Variants in DMRTC1 observed in about 807,000 individuals in gnomAD.
The protein encoded by DMRTC1 is doublesex- and mab-3-related transcription factor C1.
For missense variants in DMRTC1, 9 were observed against 34.6 expected (o/e 0.26, Z 1.86); for synonymous variants, 7 against 14.1 (o/e 0.50, Z 1.13).
chrX:72,879,839 TTCC>T (rs2054839076), intron 1 of DMRTC1, among the ~76,000 whole-genome samples: 1 of 62,786 alleles, frequency 1.6e-5, no homozygotes, highest in East Asian at 7.1e-4. Flanking sequence ...CCACCCTTCC[TTCC>T]TTCCTTCCTT....
chrX:72,879,687 AT>A (rs1310357611), intron 1 of DMRTC1, among the ~76,000 whole-genome samples: 1 of 112,573 alleles, frequency 8.9e-6, no homozygotes, highest in African/African-American at 3.2e-5. Context: ...AGGTTAAAAA[AT>A]CATAAATGTA....
At chrX:72,911,569 A>G (rs1333110809) in intron 1 of DMRTC1, among the ~76,000 whole-genome samples, 2 of 112,786 alleles carry the variant, frequency 1.8e-5, no homozygotes, top group Non-Finnish European at 3.8e-5. Context: ...TATGTAAGAG[A>G]TGCTTTCCTA....
At chrX:72,887,031 T>A (rs868927553) in intron 1 of DMRTC1, among the ~76,000 whole-genome samples, 6 of 42,887 alleles carry the variant, frequency 1.4e-4, no homozygotes, top group African/African-American at 3.6e-4. Context: ...TTTTTTTTTT[T>A]AATTTTACTT....
At chrX:72,879,665 T>C (rs1370190415) in intron 1 of DMRTC1, among the ~76,000 whole-genome samples, 1 of 110,075 alleles carries the variant, frequency 9.1e-6, no homozygotes. Context: ...CAAGTTTAAC[T>C]TATAATCCAA....
At position 72,916,185 on chromosome X, in the gene DMRTC1, G is replaced by A. The variant is rs782794525; in HGVS notation, c.-95+27390C>T. Among the ~76,000 whole-genome samples the A allele has an allele frequency of 1.2e-4, 12 of 103,818 alleles. No individual in the cohort carries two copies. In the South Asian group the frequency reaches 2.2e-3, roughly 19 times the overall value. The allele number at this position is 103,818 out of a possible 115,157, so 90.2% of individuals were successfully genotyped here. ...ACACAGCCTGCTGTGTTACAGGAGC[G>A]TCACATGTTTTTGTTTTATTATTCC... On this transcript the variant is annotated intron_variant, in intron 1 of 6. Coordinates refer to ENST00000615063, the MANE Select transcript of DMRTC1 (RefSeq NM_033053.3).
chrX:72,939,783 G>T (rs1462391691), intron 1 of DMRTC1, among the ~76,000 whole-genome samples: 2 of 110,365 alleles, frequency 1.8e-5, no homozygotes, highest in Non-Finnish European at 3.8e-5. Flanking sequence ...ATGCCCAGGG[G>T]ACAGCAACAC....
chrX:72,913,229 G>A, intron 1 of DMRTC1: 1 of 905,171 alleles, frequency 1.1e-6, no homozygotes. Flanking sequence ...GGGTCCACTT[G>A]TCACTCTGCT....
chrX:72,886,746 G>A (rs2054879054), intron 1 of DMRTC1, among the ~76,000 whole-genome samples: 1 of 53,415 alleles, frequency 1.9e-5, no homozygotes, highest in Non-Finnish European at 3.2e-5. Flanking sequence ...ATGAATTTTA[G>A]GATATTTTTT....
intron 6 of DMRTC1, among the ~76,000 whole-genome samples, chrX:72,872,916 CA>C (rs1556351154): frequency 1.7e-5 from 1 of 59,210 alleles, no homozygotes; most frequent in Non-Finnish European, 2.8e-5. Context: ...GCAGTCCCTC[CA>C]GGGGTGTTTC....
At chrX:72,874,738 C>T (rs1474970197) in intron 4 of DMRTC1, 87 bp downstream of exon 4, 8 of 239,849 alleles carry the variant, frequency 3.3e-5, no homozygotes, top group African/African-American at 1.7e-4. Context: ...CTCCTCCTCC[C>T]CCTCTTCCTC....
intron 1 of DMRTC1, among the ~76,000 whole-genome samples, chrX:72,879,804 T>TCCTC (rs1246805749): frequency 2.0e-5 from 2 of 98,195 alleles, no homozygotes; most frequent in African/African-American, 3.6e-5. Flanking sequence ...CTTCCTTCCT[T>TCCTC]CCTCCCTCCC....
intron 1 of DMRTC1, among the ~76,000 whole-genome samples, chrX:72,881,916 G>T (rs1476222608): frequency 1.8e-5 from 2 of 114,123 alleles, no homozygotes; most frequent in African/African-American, 6.4e-5. Context: ...CTAGTTATCG[G>T]TGATGCTGTT....
chrX:72,902,931 CACACACACACACACACAT>C (rs2054912593), intron 1 of DMRTC1, among the ~76,000 whole-genome samples: 1 of 65,235 alleles, frequency 1.5e-5, no homozygotes, highest in African/African-American at 9.7e-5. Flanking sequence ...CACACACACA[CACACACACACACACACAT>C]ACACACACGC....
chrX:72,887,154 A>G (rs1490328374), intron 1 of DMRTC1, among the ~76,000 whole-genome samples: 2 of 34,142 alleles, frequency 5.9e-5, no homozygotes, highest in Non-Finnish European at 9.4e-5. Flanking sequence ...CCCCGCATGC[A>G]TTAGGTATTT....
At chrX:72,887,024 T>A (rs2054884344) in intron 1 of DMRTC1, among the ~76,000 whole-genome samples, 1 of 100,406 alleles carries the variant, frequency 1.0e-5, no homozygotes, top group Non-Finnish European at 2.0e-5. Flanking sequence ...CCTTTTTTTT[T>A]TTTTTTTAAT....
At chrX:72,875,017 G>A in intron 3 of DMRTC1, 59 bp from the exon 4 acceptor site, 2 of 187,271 alleles carry the variant, frequency 1.1e-5, no homozygotes, top group Non-Finnish European at 1.6e-5. Context: ...GGAGAGAGGA[G>A]GTGTGGACAT....
intron 1 of DMRTC1, among the ~76,000 whole-genome samples, chrX:72,879,356 T>TTCCC (rs1556352334): frequency 6.0e-5 from 1 of 16,575 alleles, no homozygotes; most frequent in African/African-American, 2.0e-4. Context: ...TTTGCTTTCC[T>TTCCC]TTCCCTTCCC....
At chrX:72,874,650 C>T (rs1375178541) in intron 4 of DMRTC1, among the ~76,000 whole-genome samples, 175 bp downstream of exon 4, 1 of 103,809 alleles carries the variant, frequency 9.6e-6, no homozygotes, top group African/African-American at 3.6e-5. Context: ...TGCCCTCCTC[C>T]TTCTTCTCCT....
chrX:72,916,387 G>T (rs2054989494), intron 1 of DMRTC1, among the ~76,000 whole-genome samples: 1 of 107,830 alleles, frequency 9.3e-6, no homozygotes, highest in Non-Finnish European at 1.9e-5. Flanking sequence ...TGAACTGTGA[G>T]TTACAGCCCA....
Sources: gnomAD v4.1 joint callset for allele counts (sites outside exome capture counted in the v4.1 genomes callset) on GRCh38, gnomAD v4.1.1 for gene constraint, MANE v1.5 for transcripts, NCBI Gene and HGNC (gene_info 2026-07-23, HGNC 2026-07-21) for gene names.